The following ARAP1 variants were observed in gnomAD, a reference collection of about 807,000 sequenced individuals.
The protein encoded by ARAP1 is arf-GAP with Rho-GAP domain, ANK repeat and PH domain-containing protein 1.
ARAP1 carries 76 observed loss-of-function variants against 172.2 expected under a neutral mutation model. That is an observed-to-expected ratio of 0.44 (90% CI 0.37 to 0.53). The LOEUF is 0.53. ARAP1 is among the 20% of genes least tolerant of loss of function. The pLI is 0.00. For missense variants in ARAP1, 1,686 were observed against 1,977.5 expected (o/e 0.85, Z 2.80); for synonymous variants, 804 against 803.3 (o/e 1.00, Z -0.01).
Position 72,687,502 on chromosome 11 carries a change from C to A in ARAP1, c.4122G>T (p.Trp1374Cys). ...HETEKHEKQQ[W>C]YLCCDTQMEL... ...CCATCTGTGTGTCACAGCAGAGGTACCTGCAGGGTTGGACGCGGACCCACA... is the reference window on the plus strand; with the variant it reads ...CCATCTGTGTGTCACAGCAGAGGTAACTGCAGGGTTGGACGCGGACCCACA... Residue 1374 changes from tryptophan to cysteine, a missense_variant and splice_region_variant, in exon 33 of 35, where the codon TGG becomes TGT. Coordinates refer to ENST00000393609, the MANE Select transcript of ARAP1 (RefSeq NM_001040118.3). The A allele has an allele frequency of 6.2e-7, 1 of 1,614,142 alleles. No individual in the cohort carries two copies. The highest frequency in any genetic ancestry group is 8.5e-7 in the Non-Finnish European group (1 of 1,180,026).
intron 11 of ARAP1, among the ~76,000 whole-genome samples, chr11:72,709,061 A>G (rs1856895445): frequency 6.6e-6 from 1 of 151,702 alleles, no homozygotes; most frequent in Admixed American, 6.6e-5. Context: ...AAAAAAAAAA[A>G]AAAGGAAAGG....
chr11:72,690,039 A>G (rs1855873516), intron 30 of ARAP1, among the ~76,000 whole-genome samples: 1 of 152,206 alleles, frequency 6.6e-6, no homozygotes, highest in Non-Finnish European at 1.5e-5. Flanking sequence ...CAGGCATGGA[A>G]AACACAAGGT....
Position 72,697,638 on chromosome 11 carries a change from C to T in ARAP1, c.2749G>A (p.Asp917Asn), listed in dbSNP as rs1359026676. The T allele has an allele frequency of 6.2e-7, 1 of 1,614,020 alleles. No homozygotes were observed. Among genetic ancestry groups the T allele is most frequent in the East Asian group, 2.2e-5 (1 of 44,888 alleles). The change falls in exon 20 of 35, where the codon GAC becomes AAC. Residue 917 changes from aspartate (D) to asparagine (N), a missense_variant. Asp to Asn is a conservative substitution (Grantham distance 23, BLOSUM62 1). This residue lies in a region of ARAP1 where 274 missense variants were observed against 262.7 expected (regional missense o/e 1.04). Coordinates refer to ENST00000393609, the MANE Select transcript of ARAP1 (RefSeq NM_001040118.3). Reference sequence around the variant, plus strand: ...AGCACCAGCACCTGGTTCTCACTGTCCCCCTGGATGGCTGTGGAGGGGTTA... The same window carrying T: ...AGCACCAGCACCTGGTTCTCACTGTTCCCCTGGATGGCTGTGGAGGGGTTA... The part of the protein sequence containing the change: ...RKLQELSIQG[D>N]SENQVLVLVE...
At chr11:72,688,349 C>T in intron 31 of ARAP1, 106 bp downstream of exon 31, 1 of 989,316 alleles carries the variant, frequency 1.0e-6, no homozygotes, top group Non-Finnish European at 1.5e-6. Flanking sequence ...CATCAGAGCC[C>T]CTGCACCTAT....
Position 72,693,581 on chromosome 11 carries a change from C to T in ARAP1, c.3808+111G>A. 1 of 1,532,374 alleles carries T rather than the reference C, an allele frequency of 6.5e-7. No individual in the cohort carries two copies. Among genetic ancestry groups the T allele is most frequent in the South Asian group, 1.2e-5 (1 of 80,484 alleles). The allele number at this position is 1,532,374 out of a possible 1,614,324, so 94.9% of individuals were successfully genotyped here. Reference sequence around the variant, plus strand: ...GCCCCAGCCTCTCCATAGAGGCCCACCCACTTGGCGCCCTCTGTCTGAGCT... The same window carrying T: ...GCCCCAGCCTCTCCATAGAGGCCCATCCACTTGGCGCCCTCTGTCTGAGCT... On this transcript the variant is annotated intron_variant, in intron 28 of 34. Transcript: ENST00000393609. The surrounding 1 kb of genome is among the most constrained non-coding windows in gnomAD (Gnocchi z 4.6).
Position 72,699,222 on chromosome 11 carries a change from T to C in ARAP1, c.2439-115A>G, listed in dbSNP as rs979826386. ...TCCGCACTGCCTTGGCGCTTGTCCT[T>C]ATTCTGGTCCCCTAAGAGGTGGTGG... On this transcript the variant is annotated intron_variant, in intron 17 of 34. Transcript: ENST00000393609. The surrounding 1 kb of genome is among the most constrained non-coding windows in gnomAD (Gnocchi z 4.2). The C allele has an allele frequency of 1.5e-5, 21 of 1,412,238 alleles. No individual in the cohort carries two copies. Among genetic ancestry groups the C allele is most frequent in the Middle Eastern group, 3.9e-4 (2 of 5,110 alleles). 87.5% of individuals were successfully genotyped at this position (1,412,238 alleles called of 1,614,324 possible).
In ARAP1 at chr11:72,727,100, G is replaced by A. The variant is rs369970671; in HGVS notation, c.29C>T (p.Ser10Leu). Residue 10 changes from serine (S) to leucine (L), a missense_variant, in exon 3 of 35, where the codon TCG becomes TTG. Physicochemically the swap from Ser to Leu is moderately radical, Grantham distance 145. Transcript: ENST00000393609. The stretch of plus-strand genomic sequence containing the variant: ...CAATGCCCGCAGCCACTCGGCCACC[G>A]ATAGCGCAGCATCCCCAGCCTCTGC... MAEAGDAAL[S>L]VAEWLRALHL... is the part of the protein sequence containing the mutation. The A allele has an allele frequency of 4.2e-5, 67 of 1,594,096 alleles. 3 individuals are homozygous for A. Among genetic ancestry groups the A allele is most frequent in the East Asian group, 3.6e-4 (16 of 44,344 alleles).
intron 1 of ARAP1, among the ~76,000 whole-genome samples, chr11:72,735,705 G>A (rs377723089): frequency 9.8e-5 from 15 of 152,344 alleles, no homozygotes; most frequent in African/African-American, 3.4e-4. Context: ...GGAATGACCA[G>A]GTCTGGGAAA....
At chr11:72,738,808 C>T (rs939138346) in intron 1 of ARAP1, among the ~76,000 whole-genome samples, 3 of 152,174 alleles carry the variant, frequency 2.0e-5, no homozygotes, top group Non-Finnish European at 2.9e-5. Flanking sequence ...GCCACACACA[C>T]CTACCACCCC....
intron 3 of ARAP1, among the ~76,000 whole-genome samples, chr11:72,714,777 A>G (rs1386107398): frequency 6.6e-6 from 1 of 152,166 alleles, no homozygotes; most frequent in Non-Finnish European, 1.5e-5. Flanking sequence ...CCAATTCCTA[A>G]GGCCCTGAAT....
chr11:72,714,431 C>T, intron 3 of ARAP1, 110 bp from the exon 4 acceptor site: 1 of 1,115,988 alleles, frequency 9.0e-7, no homozygotes, highest in South Asian at 1.5e-5. Flanking sequence ...TACACAAACT[C>T]ACACAGACAG....
chr11:72,718,593 G>A (rs937031935), intron 3 of ARAP1, among the ~76,000 whole-genome samples: 1 of 151,564 alleles, frequency 6.6e-6, no homozygotes, highest in African/African-American at 2.4e-5. Context: ...CACTCACCCC[G>A]CACTGCAGCT....
intron 5 of ARAP1, 123 bp from the exon 6 acceptor site, chr11:72,712,691 G>A (rs771432010): frequency 3.4e-6 from 5 of 1,485,628 alleles, no homozygotes; most frequent in South Asian, 2.3e-5. Flanking sequence ...TTTTAGTTCT[G>A]TTTCCTCACA....
Position 72,709,940 on chromosome 11 carries a change from T to C in ARAP1, c.1453A>G (p.Met485Val), listed in dbSNP as rs1856934982. The C allele has an allele frequency of 1.2e-6, 2 of 1,613,936 alleles. No individual in the cohort carries two copies. The highest frequency in any genetic ancestry group is 8.5e-7 in the Non-Finnish European group (1 of 1,179,982). The part of the protein sequence containing the change: ...HLGIGITFID[M>V]SVGNVKEVDR... ...ACTTCCTTCACGTTGCCCACGCTCATGTCGATGAAGGTGATGCCAATGCCC... is the reference window on the plus strand; with the variant it reads ...ACTTCCTTCACGTTGCCCACGCTCACGTCGATGAAGGTGATGCCAATGCCC... The change falls in exon 11 of 35, where the codon ATG (methionine) becomes GTG (valine). Residue 485 changes from methionine (M) to valine (V), a missense_variant. Physicochemically the swap from Met to Val is conservative, Grantham distance 21. This residue lies in a region of ARAP1 where 688 missense variants were observed against 856.9 expected (regional missense o/e 0.80). Coordinates refer to ENST00000393609, the MANE Select transcript of ARAP1 (RefSeq NM_001040118.3).
chr11:72,719,280 C>A (rs1438537847), intron 3 of ARAP1, among the ~76,000 whole-genome samples: 1 of 152,118 alleles, frequency 6.6e-6, no homozygotes, highest in East Asian at 1.9e-4. Flanking sequence ...CCACATAATT[C>A]ATTGTATAAA....
At chr11:72,701,868 A>T (rs1856498581) in intron 15 of ARAP1, 85 bp from the exon 16 acceptor site, 1 of 1,529,444 alleles carries the variant, frequency 6.5e-7, no homozygotes, top group Non-Finnish European at 8.8e-7. Flanking sequence ...CTGGGCATTC[A>T]GGCTCACTTT....
intron 1 of ARAP1, among the ~76,000 whole-genome samples, chr11:72,733,979 C>T (rs55819004): frequency 0.14 from 21,934 of 152,110 alleles, 2,053 homozygotes; most frequent in African/African-American, 0.26. Context: ...GTGCGTATCA[C>T]CATGCCCAGC....
intron 1 of ARAP1, among the ~76,000 whole-genome samples, chr11:72,744,094 A>T (rs1190828982): frequency 6.6e-6 from 1 of 152,098 alleles, no homozygotes; most frequent in Non-Finnish European, 1.5e-5. Context: ...CACCTGCTTG[A>T]GGAAGCAGTC....
In ARAP1 at chr11:72,693,803, G is replaced by A; in HGVS notation, c.3697C>T (p.Arg1233Cys). Reference protein sequence around the residue: ...FEVNEREEAERPLHFAEKVLP... With the variant: ...FEVNEREEAECPLHFAEKVLP... The stretch of plus-strand genomic sequence containing the variant: ...ACCTTCTCCGCAAAGTGCAGGGGGC[G>A]CTCTGGGGAGAGGTCACACCTACCG... The change falls in exon 28 of 35, where the codon CGC (arginine) becomes TGC (cysteine). Residue 1233 changes from arginine to cysteine, a missense_variant and splice_region_variant. Transcript: ENST00000393609. The surrounding 1 kb of genome is among the most constrained non-coding windows in gnomAD (Gnocchi z 4.6). 5 of 1,595,814 alleles carry A rather than the reference G, an allele frequency of 3.1e-6. No individual in the cohort carries two copies. Among genetic ancestry groups the A allele is most frequent in the Non-Finnish European group, 3.4e-6 (4 of 1,171,962 alleles).
Sources: allele counts gnomAD v4.1 joint callset (sites outside exome capture counted in the v4.1 genomes callset), GRCh38; gene constraint gnomAD v4.1.1; regional missense constraint gnomAD v4.1.1; non-coding constraint Gnocchi (gnomAD v3.1); transcripts MANE v1.5; gene names NCBI Gene and HGNC (gene_info 2026-07-23, HGNC 2026-07-21).